Variants in MAP4 observed in about 807,000 individuals in gnomAD.
MAP4 encodes microtubule associated protein 4, also known as microtubule-associated protein 4.
In MAP4, 76 loss-of-function variants were observed where a neutral mutation model predicts 170.2. The observed-to-expected ratio is 0.45, with a 90% CI of 0.37 to 0.54. The LOEUF (loss-of-function observed/expected upper bound fraction) is 0.54, where lower values mean the gene tolerates loss of function less well. Ranked by LOEUF, MAP4 falls within the 20% of genes least tolerant of loss-of-function variation. The pLI, the probability that MAP4 is intolerant of heterozygous loss-of-function variation, is 0.00. For synonymous variants in MAP4, 909 were observed against 994.5 expected, an observed-to-expected ratio of 0.91 and a Z score of 1.62; for missense variants, 2,506 against 2,748.0, an observed-to-expected ratio of 0.91 and a Z score of 1.97.
intron 10 of MAP4, among the ~76,000 whole-genome samples, chr3:47,899,770 C>A (rs1424522831): frequency 6.6e-6 from 1 of 152,212 alleles, no homozygotes; most frequent in Non-Finnish European, 1.5e-5. Flanking sequence ...TGTCTTCAAC[C>A]CAACCCAAGC....
chr3:48,015,424 T>C (rs1246630018), intron 1 of MAP4, among the ~76,000 whole-genome samples: 3 of 152,080 alleles, frequency 2.0e-5, no homozygotes, highest in Non-Finnish European at 4.4e-5. Context: ...CCTAGGACAT[T>C]AGTGAGAATG....
chr3:47,901,572 A>G (rs2100030032), intron 10 of MAP4, among the ~76,000 whole-genome samples: 1 of 151,958 alleles, frequency 6.6e-6, no homozygotes, highest in Admixed American at 6.6e-5. Flanking sequence ...GCTACTTGCA[A>G]CTGAGGTGGG....
intron 1 of MAP4, among the ~76,000 whole-genome samples, chr3:48,035,117 T>C (rs945116596): frequency 1.3e-5 from 2 of 151,170 alleles, no homozygotes; most frequent in East Asian, 3.9e-4. Context: ...AAAAAAATCA[T>C]TATTTTAACA....
chr3:47,927,242 A>G (rs2100046560), intron 4 of MAP4, among the ~76,000 whole-genome samples: 1 of 152,220 alleles, frequency 6.6e-6, no homozygotes, highest in South Asian at 2.1e-4. Context: ...AGGAAAGCCG[A>G]TAACTGACAA....
intron 2 of MAP4, among the ~76,000 whole-genome samples, chr3:47,988,814 T>C (rs1010988529): frequency 1.3e-5 from 2 of 151,734 alleles, no homozygotes; most frequent in Admixed American, 6.6e-5. Flanking sequence ...CAGGGGTTTA[T>C]TTTATTTATT....
chr3:47,984,632 G>T (rs113923545), intron 2 of MAP4, among the ~76,000 whole-genome samples: 5 of 151,192 alleles, frequency 3.3e-5, no homozygotes, highest in Admixed American at 3.3e-4. Flanking sequence ...AGGAGTTCAA[G>T]ACCAGCCTGG....
chr3:48,041,730 C>A (rs553771616), intron 1 of MAP4, among the ~76,000 whole-genome samples: 1 of 152,298 alleles, frequency 6.6e-6, no homozygotes, highest in African/African-American at 2.4e-5. Flanking sequence ...ATGAAAATCA[C>A]ACCAAGCTTC....
intron 3 of MAP4, among the ~76,000 whole-genome samples, chr3:47,977,283 G>A (rs972371339): frequency 6.6e-6 from 1 of 152,156 alleles, no homozygotes; most frequent in Admixed American, 6.5e-5. Context: ...AAAGACATTG[G>A]GGCAGGGGGT....
intron 1 of MAP4, among the ~76,000 whole-genome samples, chr3:48,038,984 C>A (rs1487474511): frequency 6.6e-6 from 1 of 151,908 alleles, no homozygotes; most frequent in East Asian, 1.9e-4. Flanking sequence ...CGCCTATAGT[C>A]CCACCTATTT....
chr3:48,043,178 G>A (rs1190665538), intron 1 of MAP4, among the ~76,000 whole-genome samples: 1 of 152,190 alleles, frequency 6.6e-6, no homozygotes, highest in Non-Finnish European at 1.5e-5. Flanking sequence ...TTGGCTCACT[G>A]CAACCTCCGC....
At chr3:47,942,422 C>A (rs369716487) in intron 3 of MAP4, among the ~76,000 whole-genome samples, 1 of 151,884 alleles carries the variant, frequency 6.6e-6, no homozygotes, top group Admixed American at 6.6e-5. Flanking sequence ...ACTTTGTTGC[C>A]TAGGCTGGAG....
rs1324638665 is a variant in MAP4 at position 47,916,725 on chromosome 3, T to C, written c.1102A>G (p.Lys368Glu). The C allele has an allele frequency of 5.0e-6, 8 of 1,614,080 alleles. No individual in the cohort carries two copies. The highest frequency in any genetic ancestry group is 6.8e-6 in the Non-Finnish European group (8 of 1,180,034). Residue 368 changes from lysine to glutamate, a missense_variant, in exon 7 of 21, where the codon AAG becomes GAG. By Grantham distance (56) the Lys-to-Glu change is moderately conservative. Around this residue, in one of 3 missense-constraint regions of MAP4, gnomAD observed 2,008 missense variants for 2,206.0 expected, o/e 0.91. Coordinates refer to ENST00000683076, the MANE Select transcript of MAP4 (RefSeq NM_001385682.1). ...SPIKMDLAPS[K>E]DMGPPKENKK... ...TTTTCTTTGGGTGGTCCCATGTCCTTGGAAGGGGCTAAGTCCATTTTTATA... is the reference window on the plus strand; with the variant it reads ...TTTTCTTTGGGTGGTCCCATGTCCTCGGAAGGGGCTAAGTCCATTTTTATA...
intron 10 of MAP4, among the ~76,000 whole-genome samples, chr3:47,883,812 T>A (rs1440525897): frequency 6.6e-6 from 1 of 152,154 alleles, no homozygotes; most frequent in East Asian, 1.9e-4. Flanking sequence ...CAGTTTCTGA[T>A]AAGAAACAGG....
intron 1 of MAP4, among the ~76,000 whole-genome samples, chr3:48,061,522 G>C (rs1357430824): frequency 6.6e-6 from 1 of 152,188 alleles, no homozygotes; most frequent in Non-Finnish European, 1.5e-5. Flanking sequence ...GGAGTGCAGT[G>C]GCGTGATCTC....
At chr3:48,014,238 G>A (rs1559794201) in intron 1 of MAP4, among the ~76,000 whole-genome samples, 1 of 152,168 alleles carries the variant, frequency 6.6e-6, no homozygotes, top group African/African-American at 2.4e-5. Context: ...TTACACAGAA[G>A]TTCTGAAGAA....
intron 2 of MAP4, chr3:47,987,238 G>A: frequency 1.9e-6 from 1 of 532,266 alleles, no homozygotes; most frequent in Non-Finnish European, 3.1e-6. Flanking sequence ...CGCTAAATGT[G>A]TCATTCTCCA....
chr3:47,974,609 G>GT (rs2100080868), intron 3 of MAP4: 2 of 959,990 alleles, frequency 2.1e-6, no homozygotes, highest in Non-Finnish European at 2.5e-6. Context: ...CATGGTCCAT[G>GT]TTTTATGTTA....
At chr3:48,026,541 A>G (rs2100113209) in intron 1 of MAP4, among the ~76,000 whole-genome samples, 1 of 152,204 alleles carries the variant, frequency 6.6e-6, no homozygotes. Context: ...TGTAAGAAAA[A>G]CTTATTTCCC....
Position 47,998,718 on chromosome 3 carries a change from A to T in MAP4, c.143T>A (p.Ile48Asn), listed in dbSNP as rs781201121. 25 of 1,614,098 alleles carry T rather than the reference A, an allele frequency of 1.5e-5. No individual in the cohort carries two copies. Among genetic ancestry groups the T allele is most frequent in the Non-Finnish European group, 1.9e-5 (23 of 1,179,956 alleles). The change falls in exon 2 of 21, where the codon ATT becomes AAT. Residue 48 changes from isoleucine to asparagine, a missense_variant. Coordinates refer to ENST00000683076, the MANE Select transcript of MAP4 (RefSeq NM_001385682.1). ...VGETVGKTDY[I>N]PLLDVDEKTG... ...TTTCTCATCAACATCCAGGAGAGGA[A>T]TATAGTCTGTTTTTCCAACAGTTTC...
Sources: allele counts gnomAD v4.1 joint callset (sites outside exome capture counted in the v4.1 genomes callset), GRCh38; gene constraint gnomAD v4.1.1; regional missense constraint gnomAD v4.1.1; transcripts MANE v1.5; gene names NCBI Gene and HGNC (gene_info 2026-07-23, HGNC 2026-07-21).